The following TNRC18 variants were observed in gnomAD, a reference collection of about 807,000 sequenced individuals.
TNRC18 encodes trinucleotide repeat-containing gene 18 protein.
A neutral mutation model predicts 226.7 loss-of-function variants in TNRC18; 69 were observed. The observed-to-expected ratio is 0.30, with a 90% CI of 0.25 to 0.37. TNRC18 has a LOEUF of 0.37. Among genes scored for constraint, TNRC18 ranks in the 10% least tolerant of loss-of-function variants. The pLI, the probability that TNRC18 is intolerant of heterozygous loss-of-function variation, is 1.00. For missense variants in TNRC18, 4,754 were observed against 4,256.6 expected, an observed-to-expected ratio of 1.12 and a Z score of -3.25; for synonymous variants, 2,449 against 1,927.6, an observed-to-expected ratio of 1.27 and a Z score of -7.09.
intron 27 of TNRC18, among the ~76,000 whole-genome samples, chr7:5,310,444 AG>A: frequency 6.6e-6 from 1 of 152,272 alleles, no homozygotes; most frequent in Middle Eastern, 3.4e-3. Context: ...CCATGTTGGC[AG>A]GGTGGTCTCG....
rs1028430644 is a variant in TNRC18, at chr7:5,423,537, T to A, written c.-340A>T. 1.3e-5 allele frequency: 2 copies of A among 151,876 alleles called. No individual in the cohort carries two copies. Among genetic ancestry groups the A allele is most frequent in the African/African-American group, 4.8e-5 (2 of 41,342 alleles). The allele number at this position is 151,876 out of a possible 1,614,324, so 9.4% of individuals were successfully genotyped here. A position where few individuals can be genotyped will look rare whatever the true frequency, so the allele number is the denominator to read the frequency against. Reference sequence around the variant, plus strand: ...AGCTAGGCGCCCCTGCTGCCCGCCATCCCGCGGCCGCCGCTCCCCTCCGCC... The same window carrying A: ...AGCTAGGCGCCCCTGCTGCCCGCCAACCCGCGGCCGCCGCTCCCCTCCGCC... On this transcript the variant is annotated 5_prime_UTR_variant, in exon 1 of 30. The change abolishes an upstream ATG in the 5' untranslated region. Transcript: ENST00000430969.
intron 2 of TNRC18, among the ~76,000 whole-genome samples, chr7:5,413,977 G>A (rs1287038296): frequency 2.0e-5 from 3 of 151,980 alleles, no homozygotes; most frequent in Admixed American, 2.0e-4. Flanking sequence ...TTTTGAGATG[G>A]AGTCTCATTC....
chr7:5,326,012 G>A (rs1488193926), intron 19 of TNRC18, among the ~76,000 whole-genome samples: 1 of 151,918 alleles, frequency 6.6e-6, no homozygotes, highest in Non-Finnish European at 1.5e-5. Context: ...GGGATTACAG[G>A]CTGTTTTTAA....
chr7:5,405,932 G>T (rs780315954), intron 2 of TNRC18, among the ~76,000 whole-genome samples: 4 of 152,162 alleles, frequency 2.6e-5, no homozygotes, highest in African/African-American at 4.8e-5. Flanking sequence ...GTATGCAGAC[G>T]TTGAAATCCA....
At chr7:5,353,847 G>A (rs1410547813) in intron 16 of TNRC18, among the ~76,000 whole-genome samples, 3 of 152,148 alleles carry the variant, frequency 2.0e-5, no homozygotes, top group East Asian at 1.9e-4. Context: ...CCATGAGTCC[G>A]TTTCTCTCAT....
chr7:5,375,533 C>A (rs1047758119), intron 9 of TNRC18, among the ~76,000 whole-genome samples: 1 of 152,178 alleles, frequency 6.6e-6, no homozygotes, highest in African/African-American at 2.4e-5. Flanking sequence ...AGGGCTCAGG[C>A]TCTGAGAGCT....
intron 2 of TNRC18, among the ~76,000 whole-genome samples, chr7:5,409,962 G>A (rs1781735944): frequency 6.7e-6 from 1 of 148,748 alleles, no homozygotes; most frequent in Admixed American, 6.7e-5. Context: ...CTGCACTCCA[G>A]GCTGGGTGAA....
chr7:5,354,835 C>T (rs951813036), intron 16 of TNRC18, among the ~76,000 whole-genome samples: 1 of 152,178 alleles, frequency 6.6e-6, no homozygotes, highest in Non-Finnish European at 1.5e-5. Flanking sequence ...CCCCAACGAC[C>T]CCGTAAAGCA....
At chr7:5,350,389 A>G (rs1445173715) in intron 17 of TNRC18, among the ~76,000 whole-genome samples, 1 of 118,558 alleles carries the variant, frequency 8.4e-6, no homozygotes, top group Non-Finnish European at 1.7e-5. Flanking sequence ...CTGGGAGGGG[A>G]GGCGGTAGAC....
At chr7:5,413,442 C>CT (rs1460263916) in intron 2 of TNRC18, among the ~76,000 whole-genome samples, 3 of 152,202 alleles carry the variant, frequency 2.0e-5, no homozygotes, top group Admixed American at 6.5e-5. Flanking sequence ...CACCTCCAGC[C>CT]TCCCTCCCTG....
At chr7:5,343,998 G>T (rs1790921520) in intron 18 of TNRC18, among the ~76,000 whole-genome samples, 1 of 152,158 alleles carries the variant, frequency 6.6e-6, no homozygotes, top group East Asian at 1.9e-4. Flanking sequence ...AGCCAGACTG[G>T]CCAAGAAACA....
chr7:5,420,521 G>A (rs1782496305), intron 2 of TNRC18: 2 of 446,932 alleles, frequency 4.5e-6, no homozygotes, highest in Admixed American at 2.4e-5. Flanking sequence ...AGGGTCCCAA[G>A]GCTGGGGTCA....
chr7:5,344,216 G>A (rs982841669), intron 18 of TNRC18, among the ~76,000 whole-genome samples: 1 of 152,212 alleles, frequency 6.6e-6, no homozygotes, highest in African/African-American at 2.4e-5. Flanking sequence ...GCTGTGGACA[G>A]GATAATGTTG....
intron 11 of TNRC18, among the ~76,000 whole-genome samples, chr7:5,365,690 G>C (rs970877308): frequency 3.3e-5 from 5 of 152,092 alleles, no homozygotes; most frequent in African/African-American, 1.2e-4. Context: ...CTGGGCACAA[G>C]CAGTCCTTCT....
intron 14 of TNRC18, among the ~76,000 whole-genome samples, chr7:5,361,259 C>T (rs1793009886): frequency 6.6e-6 from 1 of 152,184 alleles, no homozygotes; most frequent in Non-Finnish European, 1.5e-5. Context: ...GGCTGGCAGC[C>T]CAGCGGGTCC....
rs1787531242 is a variant in TNRC18, at chr7:5,313,646, C to T, written c.7245G>A (p.Leu2415=). 1.2e-6 allele frequency: 2 copies of T among 1,604,950 alleles called. No individual in the cohort carries two copies. Among genetic ancestry groups the T allele is most frequent in the African/African-American group, 1.3e-5 (1 of 74,754 alleles). The change falls in exon 27 of 30, where the codon CTG becomes CTA. Residue 2415 remains leucine (L), a synonymous_variant. Transcript: ENST00000430969. The stretch of plus-strand genomic sequence containing the variant: ...GGGCCAGGGAGGTGGCAGGAGCTGG[C>T]AGCTCTGCAAATGGCTCGGGTGCTG... ...SCPAPEPFAE[L]PAPATSLAPA... is the part of the protein sequence containing the mutation.
chr7:5,407,675 G>T (rs146791165), intron 2 of TNRC18, among the ~76,000 whole-genome samples: 1 of 152,200 alleles, frequency 6.6e-6, no homozygotes, highest in African/African-American at 2.4e-5. Context: ...TCCCAAAGGC[G>T]GCCAAGGAGA....
chr7:5,357,795 G>T (rs1474499994), intron 15 of TNRC18, among the ~76,000 whole-genome samples: 1 of 152,154 alleles, frequency 6.6e-6, no homozygotes, highest in Non-Finnish European at 1.5e-5. Context: ...GCTTCAATGT[G>T]TAACTCTGTA....
intron 18 of TNRC18, 125 bp downstream of exon 18, chr7:5,345,436 TG>T: frequency 3.1e-6 from 3 of 963,650 alleles, no homozygotes; most frequent in South Asian, 1.7e-5. Flanking sequence ...CCCACGAGGC[TG>T]GGGTTCTGCC....
Sources: allele counts gnomAD v4.1 joint callset (sites outside exome capture counted in the v4.1 genomes callset), GRCh38; gene constraint gnomAD v4.1.1; transcripts MANE v1.5; gene names NCBI Gene and HGNC (gene_info 2026-07-23, HGNC 2026-07-21).